The following ZNF721 variants were observed in gnomAD, a reference collection of about 807,000 sequenced individuals.
The protein encoded by ZNF721 is zinc finger protein 721.
ZNF721 carries 2 observed loss-of-function variants against 2.4 expected under a neutral mutation model. The observed-to-expected ratio is 0.82, with a 90% CI of 0.34 to 2.58. The LOEUF (loss-of-function observed/expected upper bound fraction) is 2.58, where lower values mean the gene tolerates loss of function less well. Ranked by LOEUF, ZNF721 falls within the 30% of genes most tolerant of loss-of-function variation. The probability of loss-of-function intolerance (pLI) is 0.11; values close to 1 mark genes in which losing one functional copy is unlikely to be tolerated. For synonymous variants in ZNF721, 398 were observed against 381.8 expected, an observed-to-expected ratio of 1.04 and a Z score of -0.50; for missense variants, 1,187 against 1,085.5, an observed-to-expected ratio of 1.09 and a Z score of -1.31.
chr4:467,746 C>T (rs1308574592), intron 2 of ZNF721, among the ~76,000 whole-genome samples: 1 of 152,242 alleles, frequency 6.6e-6, no homozygotes, highest in Non-Finnish European at 1.5e-5. Flanking sequence ...CTCAGTTGTG[C>T]TCCTTGAAGC....
Position 443,431 on chromosome 4 carries a change from C to T in ZNF721, c.1036G>A (p.Ala346Thr), listed in dbSNP as rs782527529. The T allele has an allele frequency of 1.3e-5, 21 of 1,607,422 alleles. No homozygotes were observed. Among genetic ancestry groups the T allele is most frequent in the South Asian group, 6.6e-5 (6 of 90,574 alleles). The change falls in exon 3 of 3, where the codon GCA becomes ACA. Residue 346 changes from alanine (A) to threonine (T), a missense_variant. Physicochemically the swap from Ala to Thr is moderately conservative, Grantham distance 58. Transcript: ENST00000511833. ...ATTCTCCTATGTACGTAAAGGTTTG[C>T]GGACTGTCTAAAGGTTTTGCCACAT... Reference protein sequence around the residue: ...GECGKTFRQSANLYVHRRIHT... With the variant: ...GECGKTFRQSTNLYVHRRIHT...
chr4:465,685 C>G (rs531337340), intron 2 of ZNF721, among the ~76,000 whole-genome samples: 9 of 151,728 alleles, frequency 5.9e-5, no homozygotes, highest in African/African-American at 2.2e-4. Flanking sequence ...GCCTCGTGAT[C>G]GGCCTCCCAA....
In ZNF721 at chr4:452,161, C is replaced by T. The variant is rs147808485; in HGVS notation, c.35-7729G>A. On this transcript the variant is annotated intron_variant, in intron 2 of 2. Transcript: ENST00000511833. ...ACTGACCAGGCTGAAAGCTATCAGC[C>T]TATTGCTGAAAAAAGCAGCTGTCCA... Among the ~76,000 whole-genome samples, 242 of 152,278 alleles carry T rather than the reference C, an allele frequency of 1.6e-3. 2 individuals are homozygous for T. The highest frequency in any genetic ancestry group is 9.8e-4 in the Non-Finnish European group (67 of 68,026).
In ZNF721 at chr4:444,253, A is replaced by G; in HGVS notation, c.214T>C (p.Cys72Arg). The change falls in exon 3 of 3, where the codon TGC becomes CGC. Residue 72 changes from cysteine to arginine, a missense_variant. Coordinates refer to ENST00000511833, the MANE Select transcript of ZNF721 (RefSeq NM_133474.4). Reference protein sequence around the residue: ...QKGVYNGINKCLSNTQSKIFQ... With the variant: ...QKGVYNGINKRLSNTQSKIFQ... ...ATTTTGCTCTGAGTATTTGACAAGC[A>G]TTTATTAATTCCATTATAAACTCCC... 1 of 1,613,814 alleles carries G rather than the reference A, an allele frequency of 6.2e-7. No homozygotes were observed. Among genetic ancestry groups the G allele is most frequent in the South Asian group, 1.1e-5 (1 of 91,056 alleles).
At chr4:448,074 T>C (rs1279268939) in intron 2 of ZNF721, among the ~76,000 whole-genome samples, 5 of 152,282 alleles carry the variant, frequency 3.3e-5, no homozygotes, top group African/African-American at 9.6e-5. Flanking sequence ...CCTAACAGAA[T>C]TGTAAAGAAC....
Position 443,853 on chromosome 4 carries a change from G to A in ZNF721, c.614C>T (p.Ser205Phe). ...GEDRDRAFGW[S>F]TNLNEYKKIH... ...TTTCTTATATTCATTCAGGTTTGTG[G>A]ACCATCCAAAGGCTCTGTCACGATC... The change falls in exon 3 of 3, where the codon TCC becomes TTC. Residue 205 changes from serine to phenylalanine, a missense_variant. Transcript: ENST00000511833. 1.2e-6 allele frequency: 2 copies of A among 1,613,712 alleles called. No homozygotes were observed. The highest frequency in any genetic ancestry group is 1.3e-5 in the African/African-American group (1 of 74,984).
intron 2 of ZNF721, among the ~76,000 whole-genome samples, chr4:471,256 A>G (rs181069045): frequency 2.0e-4 from 31 of 152,330 alleles, no homozygotes; most frequent in African/African-American, 5.5e-4. Flanking sequence ...TGGTCATACT[A>G]CCAAAGGAAA....
intron 2 of ZNF721, among the ~76,000 whole-genome samples, chr4:469,878 G>C (rs1715376712): frequency 6.6e-6 from 1 of 152,072 alleles, no homozygotes; most frequent in Non-Finnish European, 1.5e-5. Context: ...ACAAACAAAA[G>C]AATAAAAGTA....
At chr4:444,577 A>G in intron 2 of ZNF721, 145 bp from the exon 3 acceptor site, 1 of 861,632 alleles carries the variant, frequency 1.2e-6, no homozygotes, top group Non-Finnish European at 1.7e-6. Flanking sequence ...TACATGTAAC[A>G]AACATATGGT....
intron 2 of ZNF721, among the ~76,000 whole-genome samples, chr4:470,500 G>C (rs1211110747): frequency 1.3e-5 from 2 of 152,098 alleles, no homozygotes; most frequent in Non-Finnish European, 2.9e-5. Context: ...GATCACTTGA[G>C]GTCAGAAGAT....
chr4:484,599 T>A (rs1218035663), intron 1 of ZNF721, among the ~76,000 whole-genome samples: 1 of 152,238 alleles, frequency 6.6e-6, no homozygotes, highest in Admixed American at 6.5e-5. Flanking sequence ...CCATCTCTTA[T>A]GGTCGAGGCT....
chr4:478,438 T>C (rs1553868917), intron 1 of ZNF721, among the ~76,000 whole-genome samples: 1 of 152,236 alleles, frequency 6.6e-6, no homozygotes, highest in Non-Finnish European at 1.5e-5. Context: ...GATCTTGAAC[T>C]GTTTGCCTCA....
intron 2 of ZNF721, among the ~76,000 whole-genome samples, chr4:450,937 CA>C (rs781962651): frequency 3.8e-4 from 10 of 26,506 alleles, no homozygotes; most frequent in African/African-American, 1.5e-3. Context: ...ACTCTGTCTC[CA>C]AAAAAAAAAA....
intron 2 of ZNF721, among the ~76,000 whole-genome samples, chr4:472,019 T>A (rs572356638): frequency 4.6e-5 from 7 of 152,316 alleles, no homozygotes; most frequent in Non-Finnish European, 7.4e-5. Flanking sequence ...ATACCAAACA[T>A]AACTCGTTTG....
intron 2 of ZNF721, among the ~76,000 whole-genome samples, chr4:467,051 T>C (rs1715274824): frequency 6.6e-6 from 1 of 151,826 alleles, no homozygotes; most frequent in South Asian, 2.1e-4. Flanking sequence ...ACCCCGTCTC[T>C]ACTAAAAATA....
Position 442,941 on chromosome 4 carries a change from G to A in ZNF721, c.1526C>T (p.Ala509Val), listed in dbSNP as rs1714316841. 3.7e-6 allele frequency: 6 copies of A among 1,613,830 alleles called. No homozygotes were observed. Among genetic ancestry groups the A allele is most frequent in the Middle Eastern group, 1.7e-4 (1 of 6,054 alleles). The change falls in exon 3 of 3, where the codon GCG (alanine) becomes GTG (valine). Residue 509 changes from alanine (A) to valine (V), a missense_variant. Transcript: ENST00000511833. ...AGTAAGGGTTGTGGAACTAGTAAAC[G>A]CTTTACCACATTCTAAACATTCAAA... ...KPFECLECGKAFTSSTTLTKH... is the reference protein window; with the variant it reads ...KPFECLECGKVFTSSTTLTKH...
intron 1 of ZNF721, among the ~76,000 whole-genome samples, chr4:485,719 T>C (rs1715877433): frequency 6.6e-6 from 1 of 152,214 alleles, no homozygotes; most frequent in Non-Finnish European, 1.5e-5. Context: ...CGCACGCCTG[T>C]AATCCCAGCA....
At chr4:455,365 C>G (rs1469484448) in intron 2 of ZNF721, among the ~76,000 whole-genome samples, 2 of 152,038 alleles carry the variant, frequency 1.3e-5, no homozygotes, top group African/African-American at 4.8e-5. Context: ...GTCAAGCGAT[C>G]GAGACCATCC....
intron 1 of ZNF721, among the ~76,000 whole-genome samples, chr4:496,253 C>G (rs1716150315): frequency 6.6e-6 from 1 of 152,108 alleles, no homozygotes; most frequent in African/African-American, 2.4e-5. Context: ...GTGTCGGACC[C>G]AAAACGTGCT....
Sources: gnomAD v4.1 joint callset for allele counts (sites outside exome capture counted in the v4.1 genomes callset) on GRCh38, gnomAD v4.1.1 for gene constraint, MANE v1.5 for transcripts, NCBI Gene and HGNC (gene_info 2026-07-23, HGNC 2026-07-21) for gene names.